The following TLK1 variants were observed in gnomAD, a reference collection of about 807,000 sequenced individuals.
The protein encoded by TLK1 is tousled like kinase 1, also known as serine/threonine-protein kinase tousled-like 1.
In TLK1, 24 loss-of-function variants were observed where a neutral mutation model predicts 105.3. The observed-to-expected ratio is 0.23, with a 90% CI of 0.17 to 0.32. TLK1 has a LOEUF of 0.32. Ranked by LOEUF, TLK1 falls within the 10% of genes least tolerant of loss-of-function variation. TLK1 has a pLI of 1.00. For missense variants in TLK1, 558 were observed against 910.5 expected (o/e 0.61, Z 4.98); for synonymous variants, 321 against 310.4 (o/e 1.03, Z -0.36).
intron 1 of TLK1, among the ~76,000 whole-genome samples, chr2:171,227,568 C>CTTTTTTTTTTTTTTTTTTTTT (rs71401413): frequency 9.0e-5 from 5 of 55,498 alleles, no homozygotes; most frequent in Non-Finnish European, 1.3e-4. Context: ...AGTAAATCTC[C>CTTTTTTTTTTTTTTTTTTTTT]TTTTTTTTTT....
At chr2:171,093,752 C>T (rs939206044) in intron 2 of TLK1, among the ~76,000 whole-genome samples, 1 of 152,026 alleles carries the variant, frequency 6.6e-6, no homozygotes, top group African/African-American at 2.4e-5. Context: ...AAGATCAGGC[C>T]TGCTTTTCTG....
At chr2:171,185,027 G>C (rs987952312) in intron 1 of TLK1, among the ~76,000 whole-genome samples, 2 of 152,076 alleles carry the variant, frequency 1.3e-5, no homozygotes, top group Admixed American at 1.3e-4. Flanking sequence ...TTTTAGTAGA[G>C]ATGGGATTTC....
At chr2:171,171,962 C>G (rs1203498982) in intron 1 of TLK1, among the ~76,000 whole-genome samples, 1 of 152,178 alleles carries the variant, frequency 6.6e-6, no homozygotes, top group East Asian at 1.9e-4. Context: ...ATCAAAAGCA[C>G]ATGTACAAGA....
chr2:171,085,019 C>T (rs1688907937), intron 2 of TLK1, among the ~76,000 whole-genome samples: 1 of 151,956 alleles, frequency 6.6e-6, no homozygotes, highest in African/African-American at 2.4e-5. Flanking sequence ...GATGAAGCAA[C>T]AAAGATCAAT....
At chr2:171,201,995 C>A (rs549820963) in intron 1 of TLK1, among the ~76,000 whole-genome samples, 2 of 152,108 alleles carry the variant, frequency 1.3e-5, no homozygotes, top group African/African-American at 4.8e-5. Flanking sequence ...TTGCCTTGCA[C>A]AGGGAAGAGG....
At chr2:171,050,693 A>C (rs754976030) in intron 8 of TLK1, among the ~76,000 whole-genome samples, 1 of 152,216 alleles carries the variant, frequency 6.6e-6, no homozygotes, top group African/African-American at 2.4e-5. Flanking sequence ...TGTCCTCACC[A>C]TTCTTCCTTA....
At chr2:171,151,956 A>G (rs916729974) in intron 1 of TLK1, among the ~76,000 whole-genome samples, 1 of 152,192 alleles carries the variant, frequency 6.6e-6, no homozygotes, top group African/African-American at 2.4e-5. Flanking sequence ...GAAAAAAGTA[A>G]AACATGTCTC....
At chr2:171,142,357 T>C (rs1420895933) in intron 1 of TLK1, among the ~76,000 whole-genome samples, 1 of 152,178 alleles carries the variant, frequency 6.6e-6, no homozygotes, top group Non-Finnish European at 1.5e-5. Context: ...AGAACAAACA[T>C]GGTCAAACTA....
At chr2:171,010,951 CA>C (rs1364816715) in intron 14 of TLK1, among the ~76,000 whole-genome samples, 1 of 152,174 alleles carries the variant, frequency 6.6e-6, no homozygotes, top group African/African-American at 2.4e-5. Context: ...ACAGAAGCCA[CA>C]ACAAACCCTT....
chr2:171,035,480 C>T (rs1227730575), intron 11 of TLK1, among the ~76,000 whole-genome samples: 1 of 152,172 alleles, frequency 6.6e-6, no homozygotes, highest in Non-Finnish European at 1.5e-5. Context: ...GTCCATTAAA[C>T]CTCTTTCTTT....
At chr2:171,076,035 T>C (rs1170449818) in intron 3 of TLK1, among the ~76,000 whole-genome samples, 3 of 152,148 alleles carry the variant, frequency 2.0e-5, no homozygotes, top group Non-Finnish European at 2.9e-5. Context: ...CTGGCTAACA[T>C]GGTGAAACCC....
At chr2:171,211,501 C>T (rs1004979413) in intron 1 of TLK1, among the ~76,000 whole-genome samples, 6 of 151,946 alleles carry the variant, frequency 3.9e-5, no homozygotes, top group Admixed American at 1.3e-4. Flanking sequence ...TGCTATTTTG[C>T]ACAGACTACA....
At chr2:171,171,424 C>T (rs914556362) in intron 1 of TLK1, among the ~76,000 whole-genome samples, 1 of 149,162 alleles carries the variant, frequency 6.7e-6, no homozygotes, top group East Asian at 2.0e-4. Context: ...GTCCTAGCTA[C>T]TGAGGAGGCA....
chr2:171,135,315 G>GTA (rs1355225799), intron 1 of TLK1, among the ~76,000 whole-genome samples: 2 of 54,490 alleles, frequency 3.7e-5, no homozygotes, highest in African/African-American at 1.6e-4. Context: ...GTGTGTGTGT[G>GTA]TGTGTATATA....
At chr2:171,021,519 C>T (rs1410931220) in intron 12 of TLK1, among the ~76,000 whole-genome samples, 2 of 145,878 alleles carry the variant, frequency 1.4e-5, no homozygotes, top group African/African-American at 2.6e-5. Context: ...CCTCTGGCCT[C>T]TGCCTCCCAA....
intron 18 of TLK1, among the ~76,000 whole-genome samples, chr2:171,002,261 CT>C (rs201401477): frequency 1.3e-5 from 2 of 151,274 alleles, no homozygotes; most frequent in Admixed American, 6.6e-5. Flanking sequence ...TCATCTTTTT[CT>C]TTTTTTTTAC....
chr2:171,067,034 A>T, intron 3 of TLK1: 1 of 1,466,980 alleles, frequency 6.8e-7, no homozygotes, highest in Non-Finnish European at 9.0e-7. Context: ...ACAATGGAGT[A>T]ACATACTCCT....
intron 14 of TLK1, among the ~76,000 whole-genome samples, chr2:171,010,467 A>T (rs1215477752): frequency 6.6e-6 from 1 of 152,188 alleles, no homozygotes; most frequent in Non-Finnish European, 1.5e-5. Flanking sequence ...GAACTCAGGA[A>T]GAAAGTGTGA....
chr2:170,994,673 C>A, intron 20 of TLK1: 1 of 517,690 alleles, frequency 1.9e-6, no homozygotes, highest in South Asian at 1.4e-5. Flanking sequence ...GAATCCCCCT[C>A]ATGCCCAGTT....
Sources: gnomAD v4.1 joint callset for allele counts (sites outside exome capture counted in the v4.1 genomes callset) on GRCh38, gnomAD v4.1.1 for gene constraint, MANE v1.5 for transcripts, NCBI Gene and HGNC (gene_info 2026-07-23, HGNC 2026-07-21) for gene names.